The following DHX57 variants were observed in gnomAD, a reference collection of about 807,000 sequenced individuals.
DHX57 encodes putative ATP-dependent RNA helicase DHX57.
DHX57 carries 105 observed loss-of-function variants against 156.2 expected under a neutral mutation model. The observed-to-expected ratio is 0.67, with a 90% CI of 0.57 to 0.79. The LOEUF (loss-of-function observed/expected upper bound fraction) is 0.79. Ranked by LOEUF, DHX57 falls within the 30% of genes least tolerant of loss-of-function variation. The pLI is 0.00. For synonymous variants in DHX57, 704 were observed against 595.6 expected (o/e 1.18, Z -2.65); for missense variants, 1,847 against 1,661.9 (o/e 1.11, Z -1.94).
rs576995265 is a variant in DHX57 at position 38,826,551 on chromosome 2, G to A, written c.2778C>T (p.Val926=). 1.1e-5 allele frequency: 18 copies of A among 1,613,904 alleles called. No homozygotes were observed. Among genetic ancestry groups the A allele is most frequent in the Non-Finnish European group, 1.0e-5 (12 of 1,180,004 alleles). Residue 926 remains valine (V), a synonymous_variant, in exon 15 of 24, where the codon GTC becomes GTT. Transcript: ENST00000457308. ...TCATTTTCCCAGAATCGATAACATAGACAACATCATCGATGGTTATGGATG... is the reference window on the plus strand; with the variant it reads ...TCATTTTCCCAGAATCGATAACATAAACAACATCATCGATGGTTATGGATG... ...AETSITIDDV[V]YVIDSGKMKE...
At chr2:38,874,397 C>A (rs1184739690) in intron 1 of DHX57, among the ~76,000 whole-genome samples, 1 of 126,200 alleles carries the variant, frequency 7.9e-6, no homozygotes, top group African/African-American at 2.9e-5. Flanking sequence ...AGTTGAAATA[C>A]TGTATTTTTT....
At chr2:38,848,008 G>A (rs1414248361) in intron 10 of DHX57, among the ~76,000 whole-genome samples, 4 of 151,824 alleles carry the variant, frequency 2.6e-5, no homozygotes, top group Non-Finnish European at 5.9e-5. Context: ...GCATGAACCC[G>A]GGAGGCAGAG....
intron 8 of DHX57, 190 bp from the exon 9 acceptor site, chr2:38,854,368 A>G (rs539097298): frequency 4.5e-6 from 2 of 439,928 alleles, no homozygotes; most frequent in African/African-American, 2.0e-5. Context: ...TTCATATCAC[A>G]ATGTTAAGAT....
At chr2:38,868,094 C>CT in intron 2 of DHX57, 88 bp downstream of exon 2, 4 of 1,512,574 alleles carry the variant, frequency 2.6e-6, no homozygotes, top group Non-Finnish European at 3.6e-6. Context: ...AATTACTCGA[C>CT]TTTTTTTCCA....
intron 20 of DHX57, among the ~76,000 whole-genome samples, chr2:38,815,015 C>A (rs1368795834): frequency 6.6e-6 from 1 of 151,998 alleles, no homozygotes. Context: ...AGCCACCGTG[C>A]CCAGCCCCCT....
chr2:38,874,678 G>T (rs1032892259), intron 1 of DHX57, among the ~76,000 whole-genome samples: 2 of 152,032 alleles, frequency 1.3e-5, no homozygotes. Flanking sequence ...CACAGTGCTG[G>T]GATTACAGGC....
At chr2:38,799,685 G>T (rs187949116) in intron 23 of DHX57, among the ~76,000 whole-genome samples, 2 of 149,014 alleles carry the variant, frequency 1.3e-5, no homozygotes, top group African/African-American at 4.9e-5. Context: ...AGGAGGCAGA[G>T]GTTGTGGTGA....
chr2:38,873,326 A>G (rs1416058964), intron 1 of DHX57, among the ~76,000 whole-genome samples: 1 of 152,236 alleles, frequency 6.6e-6, no homozygotes, highest in East Asian at 1.9e-4. Context: ...AAGAAATAAT[A>G]TGAACTATGT....
At chr2:38,815,173 T>A (rs989876240) in intron 20 of DHX57, among the ~76,000 whole-genome samples, 2 of 151,956 alleles carry the variant, frequency 1.3e-5, no homozygotes, top group African/African-American at 4.8e-5. Context: ...ATCACATCAT[T>A]CTCCCACCTC....
At chr2:38,846,062 C>T (rs1672268317) in intron 11 of DHX57, among the ~76,000 whole-genome samples, 1 of 151,960 alleles carries the variant, frequency 6.6e-6, no homozygotes, top group South Asian at 2.1e-4. Context: ...GACAGGGTTT[C>T]ACCATATTGG....
chr2:38,815,985 C>T, intron 19 of DHX57: 1 of 399,142 alleles, frequency 2.5e-6, no homozygotes, highest in Non-Finnish European at 4.9e-6. Context: ...CTTAGGACAG[C>T]AAAAAATGCT....
Position 38,856,728 on chromosome 2 carries a change from CT to C in DHX57, c.1588-268del, listed in dbSNP as rs537746046. 8.7e-4 allele frequency: 220 copies of C among 253,696 alleles called. 2 individuals are homozygous for C. The highest frequency in any genetic ancestry group is 4.9e-3 in the African/African-American group (214 of 44,122). The allele number at this position is 253,696 out of a possible 1,614,324, so 15.7% of individuals were successfully genotyped here. A position where few individuals can be genotyped will look rare whatever the true frequency, so the allele number is the denominator to read the frequency against. On this transcript the variant is annotated intron_variant, in intron 6 of 23. Transcript: ENST00000457308. ...TGTTGCCCAGGCTGGCCTCAAACTC[CT>C]GTGCTCAAGAATCCACCTGCCTTGG...
At chr2:38,809,677 C>G (rs1237243925) in intron 21 of DHX57, among the ~76,000 whole-genome samples, 4 of 151,920 alleles carry the variant, frequency 2.6e-5, no homozygotes, top group Non-Finnish European at 5.9e-5. Flanking sequence ...ATTGGCCAGG[C>G]TGATCTTGAA....
At chr2:38,807,649 G>A (rs187102038) in intron 21 of DHX57, among the ~76,000 whole-genome samples, 67 of 150,526 alleles carry the variant, frequency 4.5e-4, no homozygotes, top group Non-Finnish European at 8.4e-4. Flanking sequence ...GAGCCACTGC[G>A]CCCGGCCTTT....
chr2:38,848,380 T>G lies in DHX57; in HGVS notation c.2053A>C (p.Lys685Gln). 1 of 1,603,816 alleles carries G rather than the reference T, an allele frequency of 6.2e-7. No homozygotes were observed. The highest frequency in any genetic ancestry group is 1.3e-5 in the African/African-American group (1 of 74,510). ...EESDFLLLVL[K>Q]DIVSQRPGLQ... ...CCTGGCCTCTGCGATACAATGTCCT[T>G]CAAAACTAGCAGCAAGAAGTCACTA... Residue 685 changes from lysine (K) to glutamine (Q), a missense_variant, in exon 10 of 24, where the codon AAG (lysine) becomes CAG (glutamine). By Grantham distance (53) the Lys-to-Gln change is moderately conservative. Coordinates refer to ENST00000457308, the MANE Select transcript of DHX57 (RefSeq NM_198963.3).
At chr2:38,809,784 A>T (rs1474361590) in intron 21 of DHX57, among the ~76,000 whole-genome samples, 1 of 151,294 alleles carries the variant, frequency 6.6e-6, no homozygotes, top group African/African-American at 2.4e-5. Context: ...TTTAATTTGC[A>T]TTTCTTCTTG....
chr2:38,822,201 G>A (rs1457602779), intron 17 of DHX57, among the ~76,000 whole-genome samples: 1 of 151,952 alleles, frequency 6.6e-6, no homozygotes, highest in Admixed American at 6.6e-5. Context: ...TCCTGCCTCA[G>A]CCTCCCGAGT....
At chr2:38,860,400 G>T (rs1381764071) in intron 5 of DHX57, among the ~76,000 whole-genome samples, 2 of 152,144 alleles carry the variant, frequency 1.3e-5, no homozygotes, top group Non-Finnish European at 2.9e-5. Context: ...AGTGAGCTGA[G>T]ATCATACCAC....
At chr2:38,850,977 C>T (rs1434140549) in intron 9 of DHX57, among the ~76,000 whole-genome samples, 4 of 151,646 alleles carry the variant, frequency 2.6e-5, no homozygotes, top group Admixed American at 6.6e-5. Context: ...CTTGGGAGGC[C>T]GAGGCAGGAG....
Sources: gnomAD v4.1 joint callset for allele counts (sites outside exome capture counted in the v4.1 genomes callset) on GRCh38, gnomAD v4.1.1 for gene constraint, MANE v1.5 for transcripts, NCBI Gene and HGNC (gene_info 2026-07-23, HGNC 2026-07-21) for gene names.